The following CCDC73 variants were observed in gnomAD, a reference collection of about 807,000 sequenced individuals.
The protein encoded by CCDC73 is coiled-coil domain-containing protein 73.
A neutral mutation model predicts 116.5 loss-of-function variants in CCDC73; 95 were observed. The observed-to-expected ratio is 0.82, with a 90% CI of 0.69 to 0.97. CCDC73 has a LOEUF of 0.97. CCDC73 is among the 50% of genes least tolerant of loss of function. The pLI, the probability that CCDC73 is intolerant of heterozygous loss-of-function variation, is 0.00. For missense variants in CCDC73, 1,066 were observed against 1,206.8 expected (o/e 0.88, Z 1.73); for synonymous variants, 398 against 401.3 (o/e 0.99, Z 0.10).
chr11:32,706,072 G>A (rs1565080895), intron 3 of CCDC73, among the ~76,000 whole-genome samples: 2 of 151,004 alleles, frequency 1.3e-5, no homozygotes, highest in African/African-American at 4.9e-5. Flanking sequence ...GACTTAGGAA[G>A]TCTCAAACCA....
chr11:32,830,276 G>A, the CCDC73 span: 1 of 940,676 alleles, frequency 1.1e-6, no homozygotes, highest in African/African-American at 1.7e-5. Context: ...GGTTGCCCGC[G>A]GCGACAGGTG....
At chr11:32,628,128 A>T (rs1042873018) in intron 14 of CCDC73, among the ~76,000 whole-genome samples, 1 of 152,200 alleles carries the variant, frequency 6.6e-6, no homozygotes, top group Non-Finnish European at 1.5e-5. Flanking sequence ...AGTAAACTAG[A>T]TACAGTGTAT....
chr11:32,619,657 A>C (rs1302264786), intron 14 of CCDC73, among the ~76,000 whole-genome samples: 4 of 123,194 alleles, frequency 3.2e-5, no homozygotes, highest in Admixed American at 3.2e-4. Context: ...TGGGTGACAG[A>C]GGGAGACCCT....
chr11:32,792,628 T>C (rs1850686319), intron 1 of CCDC73, among the ~76,000 whole-genome samples: 1 of 152,210 alleles, frequency 6.6e-6, no homozygotes, highest in South Asian at 2.1e-4. Context: ...TGAGGTACAC[T>C]ATATAAATAA....
rs1380114851 is a variant in CCDC73 at position 32,602,915 on chromosome 11, T to G, written c.3136A>C (p.Asn1046His). The G allele has an allele frequency of 1.2e-6, 2 of 1,612,946 alleles. No individual in the cohort carries two copies. Among genetic ancestry groups the G allele is most frequent in the Non-Finnish European group, 1.7e-6 (2 of 1,179,356 alleles). ...AAATTTTCACTTTTATTTAGTTGAT[T>G]CGTAATGAGGCTCTGCCAGTCATCA... is the stretch of plus-strand genomic sequence containing the variant. ...GDDDWQSLIT[N>H]QLNKSENLLS... The change falls in exon 18 of 18, where the codon AAT becomes CAT. Residue 1046 changes from asparagine to histidine, a missense_variant. Coordinates refer to ENST00000335185, the MANE Select transcript of CCDC73 (RefSeq NM_001008391.4).
intron 3 of CCDC73, among the ~76,000 whole-genome samples, chr11:32,715,578 T>C (rs1388211718): frequency 1.3e-5 from 2 of 152,084 alleles, no homozygotes; most frequent in Non-Finnish European, 2.9e-5. Context: ...TAAATCTTGA[T>C]TGATCACATC....
chr11:32,827,021 C>G, the CCDC73 span, among the ~76,000 whole-genome samples: 1 of 152,008 alleles, frequency 6.6e-6, no homozygotes, highest in Non-Finnish European at 1.5e-5. Flanking sequence ...GCCACCATGC[C>G]TGGCTAATTT....
intron 2 of CCDC73, among the ~76,000 whole-genome samples, chr11:32,735,678 C>T (rs1383831064): frequency 1.4e-4 from 21 of 152,286 alleles, no homozygotes; most frequent in South Asian, 1.0e-3. Flanking sequence ...TCATATGGAA[C>T]CAAAGAAGAG....
intron 1 of CCDC73, chr11:32,794,354 G>C (rs1850704379): frequency 6.6e-6 from 1 of 152,350 alleles, no homozygotes; most frequent in Non-Finnish European, 1.5e-5. Flanking sequence ...CTCACCCGCA[G>C]TCTCAATCCT....
At chr11:32,703,315 T>G (rs1489979940) in intron 3 of CCDC73, among the ~76,000 whole-genome samples, 2 of 152,152 alleles carry the variant, frequency 1.3e-5, no homozygotes, top group Non-Finnish European at 2.9e-5. Context: ...CTCAAACTCC[T>G]GGACTCAAGC....
intron 2 of CCDC73, among the ~76,000 whole-genome samples, chr11:32,747,921 C>G (rs1380779243): frequency 1.3e-5 from 2 of 152,254 alleles, no homozygotes; most frequent in Admixed American, 1.3e-4. Context: ...CGACACCCCG[C>G]TCTGCTTCAG....
rs1017935088 is a variant in CCDC73 at position 32,675,977 on chromosome 11, A to G, written c.474T>C (p.His158=). Residue 158 remains histidine (H), a synonymous_variant, in exon 8 of 18, where the codon CAT becomes CAC. Transcript: ENST00000335185. The stretch of plus-strand genomic sequence containing the variant: ...ATTTCTCAATTTCACTCAGTTGCTT[A>G]TGATAGTCTTCTTTAGCCAGAAGAT... ...QLHLLAKEDY[H]KQLSEIEKYY... is the part of the protein sequence containing the mutation. 6.2e-6 allele frequency: 10 copies of G among 1,608,462 alleles called. No homozygotes were observed. The African/African-American group carries it at 6.7e-5, about 11-fold the overall frequency.
chr11:32,718,279 C>A, intron 2 of CCDC73, 132 bp from the exon 3 acceptor site: 1 of 606,326 alleles, frequency 1.6e-6, no homozygotes, highest in Non-Finnish European at 2.8e-6. Context: ...AGACAAACTG[C>A]AAATTAAATA....
the CCDC73 span, among the ~76,000 whole-genome samples, chr11:32,812,345 C>T: frequency 6.6e-6 from 1 of 152,172 alleles, no homozygotes; most frequent in Non-Finnish European, 1.5e-5. Flanking sequence ...AATGGTGAAA[C>T]CCCATCTCTA....
chr11:32,724,650 AT>A (rs1370211614), intron 2 of CCDC73, among the ~76,000 whole-genome samples: 11 of 151,768 alleles, frequency 7.2e-5, no homozygotes, highest in African/African-American at 2.7e-4. Flanking sequence ...ATTGAAAAAG[AT>A]GGATAGCACA....
intron 2 of CCDC73, among the ~76,000 whole-genome samples, chr11:32,749,402 T>C (rs960883006): frequency 1.3e-5 from 2 of 152,060 alleles, no homozygotes; most frequent in Non-Finnish European, 2.9e-5. Context: ...TTTATTAAAT[T>C]TATTTGGCAG....
chr11:32,776,994 T>TACAC, intron 1 of CCDC73, among the ~76,000 whole-genome samples: 1 of 41,730 alleles, frequency 2.4e-5, no homozygotes, highest in South Asian at 8.0e-4. Context: ...CACATGTATA[T>TACAC]ATATATATAT....
chr11:32,669,728 G>A (rs921324286), intron 9 of CCDC73, among the ~76,000 whole-genome samples: 1 of 151,794 alleles, frequency 6.6e-6, no homozygotes, highest in African/African-American at 2.4e-5. Context: ...ATCTTTCTGT[G>A]CCTGGCTTAT....
chr11:32,736,717 T>G (rs1175273464), intron 2 of CCDC73, among the ~76,000 whole-genome samples: 12 of 151,954 alleles, frequency 7.9e-5, no homozygotes, highest in East Asian at 3.9e-4. Context: ...CACACGTATG[T>G]TTATTGCGGC....
Sources: allele counts gnomAD v4.1 joint callset (sites outside exome capture counted in the v4.1 genomes callset), GRCh38; gene constraint gnomAD v4.1.1; transcripts MANE v1.5; gene names NCBI Gene and HGNC (gene_info 2026-07-23, HGNC 2026-07-21).